Variants in NELFCD observed in about 807,000 individuals in gnomAD.
The protein encoded by NELFCD is negative elongation factor complex member C/D.
Under a neutral mutation model 72.9 loss-of-function variants are expected in NELFCD, and 48 were observed. The observed-to-expected ratio is 0.66, with a 90% CI of 0.52 to 0.84. The LOEUF is 0.84. NELFCD is among the 40% of genes least tolerant of loss of function. NELFCD has a pLI of 0.00. For synonymous variants in NELFCD, 297 were observed against 280.6 expected (o/e 1.06, Z -0.59); for missense variants, 538 against 723.8 (o/e 0.74, Z 2.94).
chr20:58,991,300 G>C lies in NELFCD; in HGVS notation c.955-12G>C, dbSNP rs75004746. The C allele has an allele frequency of 6.2e-7, 1 of 1,614,166 alleles. No homozygotes were observed. The highest frequency in any genetic ancestry group is 1.3e-5 in the African/African-American group (1 of 75,036). ...GCCTGCCATCCCGAACTGGGCATATGCTTCTCCTCAGATCCGCGTTCCAGC... is the reference window on the plus strand; with the variant it reads ...GCCTGCCATCCCGAACTGGGCATATCCTTCTCCTCAGATCCGCGTTCCAGC... On this transcript the variant is annotated splice_polypyrimidine_tract_variant and intron_variant, in intron 8 of 14. Transcript: ENST00000652272.
intron 10 of NELFCD, 147 bp from the exon 11 acceptor site, chr20:58,992,848 CAAA>C (rs371549496): frequency 0.026 from 10,565 of 404,980 alleles, no homozygotes; most frequent in South Asian, 0.033. Flanking sequence ...GACCCTGTCT[CAAA>C]AAAAAAAAAA....
intron 14 of NELFCD, 72 bp from the exon 15 acceptor site, chr20:58,994,570 A>AG (rs1194781520): frequency 1.7e-5 from 23 of 1,331,090 alleles, no homozygotes; most frequent in Admixed American, 1.4e-4. Context: ...CTCAAAAAAA[A>AG]AAAAAAAAAA....
chr20:58,991,748 T>C, intron 9 of NELFCD, 133 bp from the exon 10 acceptor site: 1 of 1,056,350 alleles, frequency 9.5e-7, no homozygotes, highest in Non-Finnish European at 1.3e-6. Flanking sequence ...ACTGTGAAGT[T>C]TGACAGCTGA....
Position 58,990,291 on chromosome 20 carries a change from T to C in NELFCD, c.788+303T>C, listed in dbSNP as rs376522105. 189 of 306,530 alleles carry C rather than the reference T, an allele frequency of 6.2e-4. 3 individuals are homozygous for C. In the South Asian group the frequency reaches 8.4e-3, roughly 14 times the overall value. 19.0% of individuals were successfully genotyped at this position (306,530 alleles called of 1,614,324 possible). A position where few individuals can be genotyped will look rare whatever the true frequency, so the allele number is the denominator to read the frequency against. On this transcript the variant is annotated intron_variant, in intron 7 of 14. Coordinates refer to ENST00000652272, the MANE Select transcript of NELFCD (RefSeq NM_198976.4). ...GGCACATGCCTGTAATCCCAGCTAC[T>C]TGGGAGGCTGAGGCAGGAGAATCGC...
Position 58,994,665 on chromosome 20 carries a change from A to G in NELFCD, c.1735A>G (p.Met579Val), listed in dbSNP as rs138548641. 11 of 1,612,042 alleles carry G rather than the reference A, an allele frequency of 6.8e-6. No homozygotes were observed. The African/African-American group carries it at 1.1e-4, about 16-fold the overall frequency. The change falls in exon 15 of 15, where the codon ATG (methionine) becomes GTG (valine). Residue 579 changes from methionine to valine, a missense_variant. Met to Val is a conservative substitution (Grantham distance 21). Transcript: ENST00000652272. ...FIAHCKSNFI[M>V]VN ...AGCTCACTGCAAATCTAACTTCATC[A>G]TGGTGAACTAATTTAGAGCATCCTC...
chr20:58,989,704 A>G (rs2091799968), intron 6 of NELFCD, 64 bp downstream of exon 6: 3 of 1,610,622 alleles, frequency 1.9e-6, no homozygotes, highest in African/African-American at 1.3e-5. Context: ...GTTTTCAAGC[A>G]TGAGATGCTC....
intron 1 of NELFCD, among the ~76,000 whole-genome samples, chr20:58,984,028 G>A (rs556164479): frequency 6.6e-6 from 1 of 152,270 alleles, no homozygotes; most frequent in East Asian, 1.9e-4. Flanking sequence ...GGTGTTAGGA[G>A]GGTGGCAAGA....
intron 1 of NELFCD, among the ~76,000 whole-genome samples, chr20:58,984,270 G>T (rs1260354163): frequency 6.6e-6 from 1 of 152,142 alleles, no homozygotes; most frequent in Non-Finnish European, 1.5e-5. Context: ...TGCTAGAGCT[G>T]GGGCGTTTTT....
chr20:58,991,547 C>T, intron 9 of NELFCD, 101 bp downstream of exon 9: 1 of 1,344,990 alleles, frequency 7.4e-7, no homozygotes, highest in Non-Finnish European at 1.0e-6. Flanking sequence ...TCTTGACCCT[C>T]CCTAGTATCA....
chr20:58,992,645 C>T (rs1050231461), intron 10 of NELFCD, among the ~76,000 whole-genome samples: 11 of 152,140 alleles, frequency 7.2e-5, no homozygotes, highest in African/African-American at 2.7e-4. Flanking sequence ...CCTGGAATCC[C>T]AGCAATCTGG....
chr20:58,993,921 C>T lies in NELFCD; in HGVS notation c.1581+157C>T. 1 of 1,073,290 alleles carries T rather than the reference C, an allele frequency of 9.3e-7. No homozygotes were observed. The highest frequency in any genetic ancestry group is 1.4e-6 in the Non-Finnish European group (1 of 730,326). The allele number at this position is 1,073,290 out of a possible 1,614,324, so 66.5% of individuals were successfully genotyped here. A position where few individuals can be genotyped will look rare whatever the true frequency, so the allele number is the denominator to read the frequency against. On this transcript the variant is annotated intron_variant, in intron 13 of 14. Coordinates refer to ENST00000652272, the MANE Select transcript of NELFCD (RefSeq NM_198976.4). The surrounding 1 kb of genome is among the most constrained non-coding windows in gnomAD (Gnocchi z 5.0). ...TCGTTTACCAAAAAGCACCTTCTGC[C>T]TGCAGCAGCTGTATGACACACTTTA...
chr20:58,982,468 C>A (rs1288236332), intron 1 of NELFCD, among the ~76,000 whole-genome samples: 1 of 152,154 alleles, frequency 6.6e-6, no homozygotes, highest in African/African-American at 2.4e-5. Flanking sequence ...CAGGAACTTG[C>A]ATTTTTAACA....
chr20:58,990,770 G>A, intron 7 of NELFCD, 140 bp from the exon 8 acceptor site: 1 of 708,828 alleles, frequency 1.4e-6, no homozygotes, highest in South Asian at 2.0e-5. Context: ...TGTTGTAAAT[G>A]TTATTTTTGT....
rs2091832987 is a variant in NELFCD at position 58,993,527 on chromosome 20, C to T, written c.1423C>T (p.Leu475=). Residue 475 remains leucine (L), a synonymous_variant, in exon 12 of 15, where the codon CTG becomes TTG. Coordinates refer to ENST00000652272, the MANE Select transcript of NELFCD (RefSeq NM_198976.4). The surrounding 1 kb of genome is among the most constrained non-coding windows in gnomAD (Gnocchi z 5.0). ...GCTTTTTGAGACTGAGCACTCCCAG[C>T]TGGACGTGATGGAGCAGGTGAGCAG... is the stretch of plus-strand genomic sequence containing the variant. ...VKLFETEHSQ[L]DVMEQLELKK... The T allele has an allele frequency of 6.2e-7, 1 of 1,614,236 alleles. No homozygotes were observed. The highest frequency in any genetic ancestry group is 1.6e-4 in the Middle Eastern group (1 of 6,062).
At chr20:58,985,491 T>G (rs907522528) in intron 1 of NELFCD, among the ~76,000 whole-genome samples, 5 of 152,212 alleles carry the variant, frequency 3.3e-5, no homozygotes, top group Non-Finnish European at 7.3e-5. Context: ...AGAAGCCTGC[T>G]TTGCCCTTAG....
At chr20:58,984,641 G>T in intron 1 of NELFCD, among the ~76,000 whole-genome samples, 1 of 152,210 alleles carries the variant, frequency 6.6e-6, no homozygotes, top group East Asian at 1.9e-4. Flanking sequence ...TTCTAGGGAA[G>T]AGATGTCAGT....
At chr20:58,992,848 C>CAAAAAA (rs371549496) in intron 10 of NELFCD, 150 bp from the exon 11 acceptor site, 14 of 418,010 alleles carry the variant, frequency 3.3e-5, no homozygotes, top group South Asian at 7.3e-5. Flanking sequence ...GACCCTGTCT[C>CAAAAAA]AAAAAAAAAA....
intron 14 of NELFCD, 45 bp downstream of exon 14, chr20:58,994,284 C>T (rs1306751610): frequency 1.3e-6 from 2 of 1,598,142 alleles, no homozygotes; most frequent in Non-Finnish European, 1.7e-6. Flanking sequence ...AAAATGTCAG[C>T]TGGGCGCGGT....
At chr20:58,991,851 A>T (rs1374690883) in intron 9 of NELFCD, 30 bp from the exon 10 acceptor site, 1 of 1,610,434 alleles carries the variant, frequency 6.2e-7, no homozygotes, top group Non-Finnish European at 8.5e-7. Context: ...CTGCCCTGTC[A>T]GGCTCACCAG....
Sources: gnomAD v4.1 joint callset for allele counts (sites outside exome capture counted in the v4.1 genomes callset) on GRCh38, gnomAD v4.1.1 for gene constraint, Gnocchi (gnomAD v3.1) non-coding constraint, MANE v1.5 for transcripts, NCBI Gene and HGNC (gene_info 2026-07-23, HGNC 2026-07-21) for gene names.